The following GABRG3 variants were observed in gnomAD, a reference collection of about 807,000 sequenced individuals.
GABRG3 encodes the protein gamma-aminobutyric acid type A receptor subunit gamma3.
Under a neutral mutation model 48.8 loss-of-function variants are expected in GABRG3, and 25 were observed. That is an observed-to-expected ratio of 0.51 (90% confidence interval 0.37 to 0.72). The LOEUF (loss-of-function observed/expected upper bound fraction) is 0.72. GABRG3 is among the 30% of genes least tolerant of loss of function. The pLI is 0.00. For missense variants in GABRG3, 394 were observed against 577.9 expected (o/e 0.68, Z 3.26); for synonymous variants, 227 against 217.6 (o/e 1.04, Z -0.38).
chr15:27,144,707 C>T (rs1014484989), intron 3 of GABRG3, among the ~76,000 whole-genome samples: 4 of 152,136 alleles, frequency 2.6e-5, no homozygotes, highest in African/African-American at 9.7e-5. Context: ...ATATGCATAC[C>T]CAGAAAATAC....
At chr15:27,052,291 G>T (rs868144376) in intron 3 of GABRG3, among the ~76,000 whole-genome samples, 8 of 152,122 alleles carry the variant, frequency 5.3e-5, no homozygotes, top group Admixed American at 3.9e-4. Flanking sequence ...GATCACCTTG[G>T]GGGGGTGCTG....
intron 3 of GABRG3, among the ~76,000 whole-genome samples, chr15:27,202,543 A>G (rs992046050): frequency 1.3e-5 from 2 of 152,298 alleles, no homozygotes; most frequent in African/African-American, 4.8e-5. Context: ...CCAGCACTGT[A>G]TAAATGTGAC....
At chr15:27,313,280 A>ATATATGTATATG (rs1159722539) in intron 3 of GABRG3, among the ~76,000 whole-genome samples, 2 of 83,722 alleles carry the variant, frequency 2.4e-5, no homozygotes, top group East Asian at 9.1e-4. Flanking sequence ...ATATATATAT[A>ATATATGTATATG]TATATATATA....
chr15:27,085,750 A>G (rs990855816), intron 3 of GABRG3, among the ~76,000 whole-genome samples: 1 of 152,224 alleles, frequency 6.6e-6, no homozygotes, highest in Admixed American at 6.5e-5. Context: ...AGCAAGCTTC[A>G]GTTAATTTGA....
At chr15:27,072,790 G>A (rs1308154993) in intron 3 of GABRG3, among the ~76,000 whole-genome samples, 13 of 152,144 alleles carry the variant, frequency 8.5e-5, no homozygotes, top group African/African-American at 7.2e-5. Flanking sequence ...GAAGTGCCAC[G>A]CTTCTCTCTG....
chr15:27,305,367 A>G (rs1892363265), intron 3 of GABRG3, among the ~76,000 whole-genome samples: 1 of 151,212 alleles, frequency 6.6e-6, no homozygotes, highest in African/African-American at 2.4e-5. Context: ...GATATTTGAA[A>G]AATAAAGAAA....
intron 5 of GABRG3, among the ~76,000 whole-genome samples, chr15:27,371,981 C>G (rs966192968): frequency 6.6e-6 from 1 of 152,066 alleles, no homozygotes; most frequent in Admixed American, 6.5e-5. Flanking sequence ...GTAAATATCA[C>G]TTCGATGTGG....
intron 3 of GABRG3, among the ~76,000 whole-genome samples, chr15:27,209,120 G>A (rs142463730): frequency 1.1e-3 from 170 of 152,258 alleles, no homozygotes; most frequent in African/African-American, 3.9e-3. Context: ...CTGTGTCTGC[G>A]AGGGATTTTG....
intron 7 of GABRG3, among the ~76,000 whole-genome samples, chr15:27,526,099 A>G (rs1366945683): frequency 1.3e-5 from 2 of 152,184 alleles, no homozygotes; most frequent in Non-Finnish European, 1.5e-5. Flanking sequence ...TTTTCACTGC[A>G]CAAGTTAAGG....
At chr15:27,010,650 C>T (rs991570070) in intron 2 of GABRG3, among the ~76,000 whole-genome samples, 1 of 152,006 alleles carries the variant, frequency 6.6e-6, no homozygotes, top group Admixed American at 6.6e-5. Flanking sequence ...ACACATTTCC[C>T]TCTCCCCTTT....
chr15:27,141,144 G>A (rs1407171055), intron 3 of GABRG3, among the ~76,000 whole-genome samples: 1 of 152,124 alleles, frequency 6.6e-6, no homozygotes, highest in Admixed American at 6.5e-5. Context: ...TGTGATTGTG[G>A]GAGAATAGAT....
intron 3 of GABRG3, among the ~76,000 whole-genome samples, chr15:27,246,496 T>C (rs1272230383): frequency 6.6e-6 from 1 of 152,216 alleles, no homozygotes; most frequent in African/African-American, 2.4e-5. Context: ...TTACGTATCA[T>C]TTTGTTACGA....
At chr15:27,093,451 T>C (rs7497927) in intron 3 of GABRG3, among the ~76,000 whole-genome samples, 1 of 152,150 alleles carries the variant, frequency 6.6e-6, no homozygotes, top group Non-Finnish European at 1.5e-5. Context: ...AAGTACTGTT[T>C]GTTATGAGCT....
intron 3 of GABRG3, among the ~76,000 whole-genome samples, chr15:27,146,420 G>A (rs1020270838): frequency 1.3e-5 from 2 of 152,150 alleles, no homozygotes; most frequent in African/African-American, 4.8e-5. Flanking sequence ...TTGTGCCACT[G>A]CACTCCAGCC....
intron 6 of GABRG3, among the ~76,000 whole-genome samples, chr15:27,509,481 G>A (rs188954894): frequency 1.3e-3 from 199 of 152,168 alleles, no homozygotes; most frequent in African/African-American, 4.7e-3. Flanking sequence ...ATGTATATTA[G>A]ACAGTTTGTT....
At chr15:27,407,557 C>G (rs922474427) in intron 5 of GABRG3, among the ~76,000 whole-genome samples, 8 of 152,090 alleles carry the variant, frequency 5.3e-5, no homozygotes, top group Non-Finnish European at 1.0e-4. Context: ...TGGAAACAAC[C>G]AAGATGTTTT....
intron 2 of GABRG3, among the ~76,000 whole-genome samples, chr15:27,015,867 T>C (rs1895769906): frequency 1.3e-5 from 2 of 152,170 alleles, no homozygotes; most frequent in Admixed American, 6.5e-5. Flanking sequence ...TTTCATTCCA[T>C]TGTGGTCAAA....
chr15:27,111,304 T>C (rs769628228), intron 3 of GABRG3, among the ~76,000 whole-genome samples: 27 of 152,226 alleles, frequency 1.8e-4, no homozygotes, highest in Non-Finnish European at 3.7e-4. Context: ...GCTTTTTCCC[T>C]GAGAGTCCTT....
chr15:26,982,580 G>T (rs1337363980), intron 2 of GABRG3, among the ~76,000 whole-genome samples: 3 of 152,184 alleles, frequency 2.0e-5, no homozygotes. Context: ...GCTGCCATGT[G>T]CAATAGGCAA....
Sources: gnomAD v4.1 joint callset for allele counts (sites outside exome capture counted in the v4.1 genomes callset) on GRCh38, gnomAD v4.1.1 for gene constraint, MANE v1.5 for transcripts, NCBI Gene and HGNC (gene_info 2026-07-23, HGNC 2026-07-21) for gene names.